LDLRAP1: variants seen among roughly 807,000 people sequenced by gnomAD.
LDLRAP1 encodes the protein low density lipoprotein receptor adaptor protein 1, also known as low density lipoprotein receptor adapter protein 1.
A neutral mutation model predicts 37.8 loss-of-function variants in LDLRAP1; 30 were observed. The ratio of observed to expected loss-of-function variants is 0.79; its 90% CI spans 0.59 to 1.08. The LOEUF (loss-of-function observed/expected upper bound fraction) is 1.08. Ranked by LOEUF, LDLRAP1 falls within the 50% of genes least tolerant of loss-of-function variation. LDLRAP1 has a pLI of 0.00. For synonymous variants in LDLRAP1, 156 were observed against 169.8 expected (o/e 0.92, Z 0.63); for missense variants, 375 against 401.6 (o/e 0.93, Z 0.57).
the LDLRAP1 span, among the ~76,000 whole-genome samples, chr1:25,574,515 G>A: frequency 3.6e-4 from 55 of 152,328 alleles, no homozygotes; most frequent in Non-Finnish European, 6.6e-4. Flanking sequence ...AGAAAAGGAT[G>A]TGTGCATGGC....
At chr1:25,566,408 C>G (rs1037278267) in intron 8 of LDLRAP1, among the ~76,000 whole-genome samples, 1 of 152,188 alleles carries the variant, frequency 6.6e-6, no homozygotes, top group East Asian at 1.9e-4. Flanking sequence ...TTACTTGACT[C>G]TCCCCTATTC....
Position 25,544,247 on chromosome 1 carries a change from A to G in LDLRAP1, c.88+461A>G, listed in dbSNP as rs953598859. ...CAGCAGCTGCGGCGGTCAGGAGCCC[A>G]CTGGCCCGTTCTCCCGCCCCCTGCC... On this transcript the variant is annotated intron_variant, in intron 1 of 8. Transcript: ENST00000374338. This position sits in a 1 kb window ranked among gnomAD's most constrained non-coding sequence, Gnocchi z 4.8. Among the ~76,000 whole-genome samples the G allele has an allele frequency of 5.9e-5, 9 of 152,122 alleles. No homozygotes were observed. Among genetic ancestry groups the G allele is most frequent in the Non-Finnish European group, 8.8e-5 (6 of 68,000 alleles).
At chr1:25,586,581 C>T in the LDLRAP1 span, among the ~76,000 whole-genome samples, 6 of 146,530 alleles carry the variant, frequency 4.1e-5, no homozygotes, top group African/African-American at 8.0e-5. The surrounding 1 kb of genome is among the most constrained non-coding windows in gnomAD (Gnocchi z 4.3). Flanking sequence ...TGTGCGTGTG[C>T]GCGCGTGTGT....
rs1183072081 is a variant in LDLRAP1, at chr1:25,563,658, C to G, written c.617-3C>G. The G allele has an allele frequency of 6.2e-7, 1 of 1,613,324 alleles. No homozygotes were observed. The highest frequency in any genetic ancestry group is 1.3e-5 in the African/African-American group (1 of 74,938). ...ACTGACAACCTGACCGGATCCCTCA[C>G]AGTGGTCGCCACTGGGAACCTGCTG... On this transcript the variant is annotated splice_polypyrimidine_tract_variant and splice_region_variant and intron_variant, in intron 6 of 8. Transcript: ENST00000374338.
intron 1 of LDLRAP1, among the ~76,000 whole-genome samples, chr1:25,551,592 A>G (rs1002085342): frequency 1.3e-5 from 2 of 152,230 alleles, no homozygotes; most frequent in Admixed American, 1.3e-4. Flanking sequence ...ACTTGAGAGC[A>G]GGGTCTGTGT....
chr1:25,576,758 C>G, the LDLRAP1 span, among the ~76,000 whole-genome samples: 1 of 152,248 alleles, frequency 6.6e-6, no homozygotes, highest in Non-Finnish European at 1.5e-5. Context: ...CACAGAGGCT[C>G]TCTCCCACCC....
chr1:25,566,152 C>G (rs2044472701), intron 8 of LDLRAP1, among the ~76,000 whole-genome samples: 1 of 152,158 alleles, frequency 6.6e-6, no homozygotes, highest in African/African-American at 2.4e-5. Context: ...TGAAAATCAG[C>G]AAAGCATTAA....
chr1:25,545,621 G>A (rs1243301871), intron 1 of LDLRAP1, among the ~76,000 whole-genome samples: 1 of 152,136 alleles, frequency 6.6e-6, no homozygotes, highest in Non-Finnish European at 1.5e-5. Context: ...TGGAGGAAAG[G>A]AGAGGAGCAC....
At chr1:25,569,914 A>T (rs1264669965), downstream of LDLRAP1, among the ~76,000 whole-genome samples, 2 of 152,160 alleles carry the variant, frequency 1.3e-5, no homozygotes, top group African/African-American at 4.8e-5. Context: ...CCAGGAGCCC[A>T]GTCTGGCCAT....
At chr1:25,576,491 G>A in the LDLRAP1 span, among the ~76,000 whole-genome samples, 57 of 152,190 alleles carry the variant, frequency 3.7e-4, no homozygotes, top group East Asian at 6.9e-3. Flanking sequence ...GTGCCACTGC[G>A]CTCTAGCCTG....
At chr1:25,560,247 G>T (rs1350950590) in intron 4 of LDLRAP1, among the ~76,000 whole-genome samples, 4 of 152,172 alleles carry the variant, frequency 2.6e-5, no homozygotes, top group African/African-American at 9.7e-5. Context: ...CTTGAATCGG[G>T]ATGTTGACAA....
chr1:25,558,255 G>A (rs953345559), intron 4 of LDLRAP1, among the ~76,000 whole-genome samples: 16 of 152,132 alleles, frequency 1.1e-4, no homozygotes, highest in African/African-American at 3.4e-4. Flanking sequence ...CTGAGCCCCA[G>A]TCCCCATGCC....
chr1:25,577,291 C>G, the LDLRAP1 span, among the ~76,000 whole-genome samples: 1 of 152,108 alleles, frequency 6.6e-6, no homozygotes, highest in African/African-American at 2.4e-5. Flanking sequence ...GCAGACCCAG[C>G]TGGGAGGTGG....
rs76901659 is a variant in LDLRAP1 at position 25,551,634 on chromosome 1, C to G, written c.89-2288C>G. On this transcript the variant is annotated intron_variant, in intron 1 of 8. Coordinates refer to ENST00000374338, the MANE Select transcript of LDLRAP1 (RefSeq NM_015627.3). ...TGCTCCAGGGCCCCATCACTCAACC[C>G]AGGACTGGGGACATCTCAGGGACTT... 8.3e-4 allele frequency among the ~76,000 whole-genome samples: 127 copies of G among 152,312 alleles called. No homozygotes were observed. The East Asian group carries it at 0.021, about 25-fold the overall frequency.
intron 1 of LDLRAP1, among the ~76,000 whole-genome samples, chr1:25,551,888 C>A (rs370162590): frequency 5.9e-5 from 9 of 152,136 alleles, no homozygotes; most frequent in Admixed American, 5.2e-4. Context: ...GCGCTACCTG[C>A]ATGCCAGGTT....
the LDLRAP1 span, among the ~76,000 whole-genome samples, chr1:25,588,181 A>G: frequency 1.3e-3 from 191 of 152,274 alleles, 1 homozygote; most frequent in African/African-American, 4.0e-3. Flanking sequence ...AAAGCCAGGT[A>G]TTGTCCAAGG....
chr1:25,587,812 C>T, the LDLRAP1 span, among the ~76,000 whole-genome samples: 8 of 152,078 alleles, frequency 5.3e-5, no homozygotes, highest in East Asian at 1.9e-4. Context: ...TAGGGTCCAC[C>T]GCATATCAGT....
chr1:25,589,848 A>G, the LDLRAP1 span, among the ~76,000 whole-genome samples: 4 of 152,220 alleles, frequency 2.6e-5, no homozygotes, highest in Admixed American at 6.5e-5. Context: ...CATGCCTGTA[A>G]TCCCGGCACT....
Position 25,566,912 on chromosome 1 carries a change from T to G in LDLRAP1, c.847T>G (p.Tyr283Asp), listed in dbSNP as rs1279717745. 6.2e-7 allele frequency: 1 copy of G among 1,613,520 alleles called. No homozygotes were observed. The highest frequency in any genetic ancestry group is 8.5e-7 in the Non-Finnish European group (1 of 1,179,942). The part of the protein sequence containing the change: ...DTGLTAQDMH[Y>D]AQCLSPVDWD... ...TGGCCTGACAGCCCAGGACATGCATTACGCCCAGTGCCTCTCGCCTGTCGA... is the reference window on the plus strand; with the variant it reads ...TGGCCTGACAGCCCAGGACATGCATGACGCCCAGTGCCTCTCGCCTGTCGA... The change falls in exon 9 of 9, where the codon TAC (tyrosine) becomes GAC (aspartate). Residue 283 changes from tyrosine to aspartate, a missense_variant. Tyr to Asp is a radical substitution (Grantham distance 160). Transcript: ENST00000374338.
Sources: allele counts gnomAD v4.1 joint callset (sites outside exome capture counted in the v4.1 genomes callset), GRCh38; gene constraint gnomAD v4.1.1; non-coding constraint Gnocchi (gnomAD v3.1); transcripts MANE v1.5; gene names NCBI Gene and HGNC (gene_info 2026-07-23, HGNC 2026-07-21).